NDST4: variants seen among roughly 807,000 people sequenced by gnomAD.
NDST4 encodes the protein N-deacetylase and N-sulfotransferase 4, also known as N-heparan sulfate sulfotransferase 4.
NDST4 carries 63 observed loss-of-function variants against 100.8 expected under a neutral mutation model. That is an observed-to-expected ratio of 0.62 (90% CI 0.51 to 0.77). The LOEUF is 0.77. NDST4 is among the 30% of genes least tolerant of loss of function. The probability of loss-of-function intolerance (pLI) is 0.00; values close to 1 mark genes in which losing one functional copy is unlikely to be tolerated. For missense variants in NDST4, 943 were observed against 1,018.4 expected (o/e 0.93, Z 1.01); for synonymous variants, 377 against 361.8 (o/e 1.04, Z -0.48).
chr4:114,837,117 T>C (rs1293145691), intron 11 of NDST4, among the ~76,000 whole-genome samples: 1 of 152,140 alleles, frequency 6.6e-6, no homozygotes, highest in Non-Finnish European at 1.5e-5. Flanking sequence ...CCTACTGCTG[T>C]CAATTCATCA....
intron 6 of NDST4, among the ~76,000 whole-genome samples, chr4:114,922,586 C>G (rs1236755247): frequency 1.3e-5 from 2 of 152,124 alleles, no homozygotes; most frequent in African/African-American, 4.8e-5. Context: ...AACAAACGTT[C>G]CCTCCTGCTC....
chr4:114,868,960 AT>A (rs1724090638), intron 7 of NDST4, among the ~76,000 whole-genome samples: 1 of 142,782 alleles, frequency 7.0e-6, no homozygotes, highest in African/African-American at 2.8e-5. Flanking sequence ...ATATATATAT[AT>A]ATATATTTCT....
At chr4:114,934,553 CA>C (rs60204040) in intron 6 of NDST4, among the ~76,000 whole-genome samples, 32,751 of 117,090 alleles carry the variant, frequency 0.28, 4,332 homozygotes, top group East Asian at 0.43. Flanking sequence ...GACTGCCTCT[CA>C]AAAAAAAAAA....
chr4:114,840,955 A>G (rs553595852), intron 10 of NDST4, among the ~76,000 whole-genome samples: 2 of 152,334 alleles, frequency 1.3e-5, no homozygotes, highest in African/African-American at 2.4e-5. Context: ...TTACATGTGT[A>G]TACCTTATGC....
chr4:114,859,412 C>T (rs1277427916), intron 7 of NDST4, among the ~76,000 whole-genome samples: 1 of 152,172 alleles, frequency 6.6e-6, no homozygotes, highest in East Asian at 1.9e-4. Context: ...TTATAAATTT[C>T]CCCAGGCAGG....
At chr4:114,937,170 A>G in intron 5 of NDST4, 148 bp downstream of exon 5, 1 of 839,962 alleles carries the variant, frequency 1.2e-6, no homozygotes, top group Non-Finnish European at 1.9e-6. Context: ...GGGTTAATGC[A>G]TAACCAGTCA....
intron 1 of NDST4, among the ~76,000 whole-genome samples, chr4:115,089,813 T>C (rs1402279347): frequency 1.3e-5 from 2 of 151,900 alleles, no homozygotes; most frequent in Admixed American, 1.3e-4. Flanking sequence ...TTTTGAAAAT[T>C]GGAAAACCAA....
chr4:114,860,310 T>C (rs1391214233), intron 7 of NDST4, among the ~76,000 whole-genome samples: 1 of 152,230 alleles, frequency 6.6e-6, no homozygotes, highest in Non-Finnish European at 1.5e-5. Flanking sequence ...ACCATATTTT[T>C]CACTGTGGCA....
intron 6 of NDST4, among the ~76,000 whole-genome samples, chr4:114,925,713 G>C (rs1725373765): frequency 6.6e-6 from 1 of 152,026 alleles, no homozygotes; most frequent in Admixed American, 6.6e-5. Flanking sequence ...GTGAGGTTTA[G>C]TGAGTCTAGG....
chr4:115,000,668 G>A (rs1465669446), intron 2 of NDST4, among the ~76,000 whole-genome samples: 1 of 152,026 alleles, frequency 6.6e-6, no homozygotes, highest in African/African-American at 2.4e-5. Context: ...TTACCCTTCT[G>A]CAAGAATTTT....
intron 13 of NDST4, among the ~76,000 whole-genome samples, 186 bp downstream of exon 13, chr4:114,829,604 C>CT (rs1723150905): frequency 6.6e-6 from 1 of 152,038 alleles, no homozygotes; most frequent in Non-Finnish European, 1.5e-5. Context: ...ATTTTAGTAT[C>CT]TATCTACCGA....
intron 2 of NDST4, among the ~76,000 whole-genome samples, chr4:115,054,310 G>A (rs980663910): frequency 1.3e-5 from 2 of 151,942 alleles, no homozygotes; most frequent in Admixed American, 1.3e-4. Context: ...AACTAAATAA[G>A]GAAGAACTAT....
chr4:115,003,450 A>T (rs1477370425), intron 2 of NDST4, among the ~76,000 whole-genome samples: 4 of 152,240 alleles, frequency 2.6e-5, no homozygotes, highest in East Asian at 1.9e-4. Flanking sequence ...AGTGTCTATT[A>T]TTCTCCAGAT....
At chr4:114,986,394 TC>T (rs1726901981) in intron 2 of NDST4, among the ~76,000 whole-genome samples, 1 of 152,126 alleles carries the variant, frequency 6.6e-6, no homozygotes, top group South Asian at 2.1e-4. Context: ...CCTGGTCATC[TC>T]CTTTCCACAG....
chr4:114,841,316 T>C (rs951571497), intron 10 of NDST4, among the ~76,000 whole-genome samples: 3 of 152,200 alleles, frequency 2.0e-5, no homozygotes, highest in African/African-American at 7.2e-5. Flanking sequence ...TGTAGGAGTT[T>C]CTGAATTATG....
In NDST4 at chr4:115,008,304, G is replaced by GCA. The variant is rs1238577406; in HGVS notation, c.979-31031_979-31030insTG. Among the ~76,000 whole-genome samples, 4 of 128,966 alleles carry GCA rather than the reference G, an allele frequency of 3.1e-5. 1 individual carries two copies. Among genetic ancestry groups the GCA allele is most frequent in the Non-Finnish European group, 6.6e-5 (4 of 60,310 alleles). 84.6% of individuals were successfully genotyped at this position (128,966 alleles called of 152,430 possible). On this transcript the variant is annotated intron_variant, in intron 2 of 13. Transcript: ENST00000264363. ...GATGCAGTTTCTTCCTAGACTCGAT[G>GCA]GTCTTTACAATTTGGCATGATTTTG...
At chr4:114,939,049 CAG>C (rs1725693564) in intron 4 of NDST4, among the ~76,000 whole-genome samples, 1 of 152,142 alleles carries the variant, frequency 6.6e-6, no homozygotes, top group Non-Finnish European at 1.5e-5. Context: ...TGGAAACTAC[CAG>C]AGAGGACAGG....
chr4:115,076,302 T>C lies in NDST4; in HGVS notation c.735A>G (p.Ser245=). The change falls in exon 2 of 14, where the codon TCA becomes TCG. Residue 245 remains serine (S), a synonymous_variant. Coordinates refer to ENST00000264363, the MANE Select transcript of NDST4 (RefSeq NM_022569.3). ...LTELQTEKSL[S]SLSSKTLFAT... is the part of the protein sequence containing the mutation. The stretch of plus-strand genomic sequence containing the variant: ...CAAAGAGTGTTTTGCTAGACAAGGA[T>C]GACAGGGATTTTTCTGTCTGTAACT... The C allele has an allele frequency of 1.2e-6, 2 of 1,613,992 alleles. No homozygotes were observed. The highest frequency in any genetic ancestry group is 1.7e-6 in the Non-Finnish European group (2 of 1,179,924).
At chr4:114,874,942 G>A (rs778265448) in intron 6 of NDST4, among the ~76,000 whole-genome samples, 1 of 152,086 alleles carries the variant, frequency 6.6e-6, no homozygotes, top group Non-Finnish European at 1.5e-5. Flanking sequence ...TCTGGGGAAA[G>A]TATGACAGTA....
Sources: allele counts gnomAD v4.1 joint callset (sites outside exome capture counted in the v4.1 genomes callset), GRCh38; gene constraint gnomAD v4.1.1; transcripts MANE v1.5; gene names NCBI Gene and HGNC (gene_info 2026-07-23, HGNC 2026-07-21).